Variants in FGF12 observed in about 807,000 individuals in gnomAD.
The protein encoded by FGF12 is fibroblast growth factor 12.
FGF12 carries 14 observed loss-of-function variants against 23.6 expected under a neutral mutation model. The observed-to-expected ratio is 0.59, with a 90% confidence interval of 0.39 to 0.93. FGF12 has a LOEUF of 0.93. FGF12 is among the 40% of genes least tolerant of loss of function. The probability of loss-of-function intolerance (pLI) is 0.00; values close to 1 mark genes in which losing one functional copy is unlikely to be tolerated. For missense variants in FGF12, 175 were observed against 217.8 expected, an observed-to-expected ratio of 0.80 and a Z score of 1.24; for synonymous variants, 62 against 77.3, an observed-to-expected ratio of 0.80 and a Z score of 1.04.
At chr3:192,680,917 G>T (rs1343925237) in intron 2 of FGF12, among the ~76,000 whole-genome samples, 1 of 152,178 alleles carries the variant, frequency 6.6e-6, no homozygotes, top group Non-Finnish European at 1.5e-5. Flanking sequence ...AATAGGAATA[G>T]TTGGAAGCTA....
intron 2 of FGF12, among the ~76,000 whole-genome samples, chr3:192,459,838 A>AGTGT (rs35153893): frequency 0.016 from 2,404 of 150,470 alleles, 50 homozygotes; most frequent in African/African-American, 0.053. Context: ...ATGTATGTTT[A>AGTGT]GTGTGTGTGT....
intron 2 of FGF12, among the ~76,000 whole-genome samples, chr3:192,572,034 G>C (rs752822525): frequency 1.6e-4 from 25 of 151,792 alleles, no homozygotes; most frequent in Non-Finnish European, 1.6e-4. Context: ...GTATACAATG[G>C]ACAATTTAGT....
intron 4 of FGF12, among the ~76,000 whole-genome samples, chr3:192,308,970 A>T (rs1360504260): frequency 6.6e-6 from 1 of 152,248 alleles, no homozygotes; most frequent in Non-Finnish European, 1.5e-5. Flanking sequence ...TTGTAAATAT[A>T]CAATGTAAAA....
rs190381377 is a variant in FGF12, at chr3:192,688,247, C to T, written c.13+38934G>A. 3.8e-3 allele frequency among the ~76,000 whole-genome samples: 583 copies of T among 152,100 alleles called. 4 individuals carry two copies. Among genetic ancestry groups the T allele is most frequent in the African/African-American group, 0.013 (531 of 41,476 alleles). On this transcript the variant is annotated intron_variant, in intron 2 of 5. Coordinates refer to ENST00000445105, the MANE Select transcript of FGF12 (RefSeq NM_004113.6). ...CCCCCAGCTTTCTGAGCCAATGAGA[C>T]ACCACATCCACCCCTTGACCTGGAG...
At chr3:192,633,257 G>A (rs1276872752) in intron 2 of FGF12, among the ~76,000 whole-genome samples, 1 of 152,000 alleles carries the variant, frequency 6.6e-6, no homozygotes, top group Non-Finnish European at 1.5e-5. Flanking sequence ...TGTTGGTCAG[G>A]CTGGTTTTGA....
chr3:192,602,899 A>G (rs559317898), intron 2 of FGF12, among the ~76,000 whole-genome samples: 33 of 152,146 alleles, frequency 2.2e-4, no homozygotes, highest in Non-Finnish European at 4.1e-4. Flanking sequence ...AAAATCAATA[A>G]ATGTGATTCT....
intron 2 of FGF12, among the ~76,000 whole-genome samples, chr3:192,500,305 C>T (rs909239968): frequency 6.6e-6 from 1 of 152,174 alleles, no homozygotes; most frequent in African/African-American, 2.4e-5. Context: ...AACCAAGAAC[C>T]ATGCCCTTTC....
chr3:192,727,041 T>G, intron 2 of FGF12, 140 bp downstream of exon 2: 2 of 1,054,542 alleles, frequency 1.9e-6, no homozygotes, highest in Non-Finnish European at 1.4e-6. Flanking sequence ...ACTTCCCCAG[T>G]GCTGCAATGG....
intron 2 of FGF12, among the ~76,000 whole-genome samples, chr3:192,616,831 T>C (rs1225815181): frequency 2.6e-5 from 4 of 151,770 alleles, no homozygotes; most frequent in African/African-American, 9.7e-5. Context: ...GATCAACTTG[T>C]ATCATCCACT....
At chr3:192,669,480 G>T (rs146409118) in intron 2 of FGF12, among the ~76,000 whole-genome samples, 3,419 of 151,850 alleles carry the variant, frequency 0.023, 124 homozygotes, top group African/African-American at 0.079. Flanking sequence ...CCAGCTACTT[G>T]GGAAACTGAG....
chr3:192,457,681 A>G (rs1722721324), intron 2 of FGF12, among the ~76,000 whole-genome samples: 1 of 152,206 alleles, frequency 6.6e-6, no homozygotes, highest in South Asian at 2.1e-4. Flanking sequence ...AACAGCATAA[A>G]AGTCAGAAAA....
At chr3:192,697,809 G>C (rs144587330) in intron 2 of FGF12, among the ~76,000 whole-genome samples, 5 of 152,280 alleles carry the variant, frequency 3.3e-5, no homozygotes, top group African/African-American at 1.2e-4. Context: ...TGCATTTGCT[G>C]TTCCCTCCAT....
intron 4 of FGF12, among the ~76,000 whole-genome samples, chr3:192,259,115 T>C (rs1173002738): frequency 6.6e-6 from 1 of 152,208 alleles, no homozygotes; most frequent in Non-Finnish European, 1.5e-5. Flanking sequence ...CAATTCATTA[T>C]ACCCAAGGGC....
intron 2 of FGF12, among the ~76,000 whole-genome samples, chr3:192,636,107 T>C (rs1715572792): frequency 6.6e-6 from 1 of 152,172 alleles, no homozygotes; most frequent in East Asian, 1.9e-4. Flanking sequence ...ATTTATAGAA[T>C]AGAAATCCTT....
intron 2 of FGF12, among the ~76,000 whole-genome samples, chr3:192,406,189 T>C (rs544017180): frequency 1.3e-5 from 2 of 152,122 alleles, no homozygotes; most frequent in East Asian, 3.9e-4. Flanking sequence ...CAGTCCTTCC[T>C]TCCCATGCAA....
intron 4 of FGF12, among the ~76,000 whole-genome samples, chr3:192,309,445 G>A (rs1715822553): frequency 6.6e-6 from 1 of 152,170 alleles, no homozygotes; most frequent in African/African-American, 2.4e-5. Context: ...GAGTTTGCAG[G>A]AAACTGGAAG....
At chr3:192,266,592 T>C (rs1428474233) in intron 4 of FGF12, among the ~76,000 whole-genome samples, 1 of 152,150 alleles carries the variant, frequency 6.6e-6, no homozygotes, top group Non-Finnish European at 1.5e-5. Context: ...AATTAAAATA[T>C]GTCATAGCAA....
At chr3:192,700,035 T>C (rs569381988) in intron 2 of FGF12, among the ~76,000 whole-genome samples, 13 of 152,304 alleles carry the variant, frequency 8.5e-5, no homozygotes, top group South Asian at 6.2e-4. Context: ...CTCTCCTTTC[T>C]AAGTGGAAAG....
chr3:192,282,937 C>G lies in FGF12; in HGVS notation c.228+52424G>C, dbSNP rs183833603. The G allele has an allele frequency of 7.9e-4, 120 of 152,132 alleles. 1 individual carries two copies. Among genetic ancestry groups the G allele is most frequent in the African/African-American group, 2.5e-3 (104 of 41,516 alleles). The allele number at this position is 152,132 out of a possible 1,614,324, so 9.4% of individuals were successfully genotyped here. A position where few individuals can be genotyped will look rare whatever the true frequency, so the allele number is the denominator to read the frequency against. On this transcript the variant is annotated intron_variant, in intron 4 of 5. Coordinates refer to ENST00000445105, the MANE Select transcript of FGF12 (RefSeq NM_004113.6). ...GAGGTAAGTGGACGTGAGAGATATA[C>G]ACATAAACAGATAAAATGGATGCCT...
Sources: gnomAD v4.1 joint callset for allele counts (sites outside exome capture counted in the v4.1 genomes callset) on GRCh38, gnomAD v4.1.1 for gene constraint, MANE v1.5 for transcripts, NCBI Gene and HGNC (gene_info 2026-07-23, HGNC 2026-07-21) for gene names.